TRIM2: variants seen among roughly 807,000 people sequenced by gnomAD.
TRIM2 encodes tripartite motif containing 2.
In TRIM2, 20 loss-of-function variants were observed where a neutral mutation model predicts 75.2. The ratio of observed to expected loss-of-function variants is 0.27; its 90% CI spans 0.19 to 0.39. TRIM2 has a LOEUF of 0.39. TRIM2 is among the 10% of genes least tolerant of loss of function. TRIM2 has a pLI of 1.00. For synonymous variants in TRIM2, 373 were observed against 388.3 expected, an observed-to-expected ratio of 0.96 and a Z score of 0.46; for missense variants, 660 against 990.8, an observed-to-expected ratio of 0.67 and a Z score of 4.48.
intron 1 of TRIM2, among the ~76,000 whole-genome samples, chr4:153,173,498 T>C (rs571936061): frequency 6.6e-6 from 1 of 150,458 alleles, no homozygotes; most frequent in South Asian, 2.1e-4. Flanking sequence ...CCATCTCTAC[T>C]AAAAGTACAA....
chr4:153,308,251 C>G (rs778131717), intron 6 of TRIM2: 20 of 1,553,536 alleles, frequency 1.3e-5, no homozygotes, highest in Non-Finnish European at 1.6e-5. Flanking sequence ...GCCAGGGCAA[C>G]CATCAGCTTG....
At chr4:153,296,304 C>T (rs182106755) in intron 6 of TRIM2, among the ~76,000 whole-genome samples, 1 of 152,326 alleles carries the variant, frequency 6.6e-6, no homozygotes, top group African/African-American at 2.4e-5. Flanking sequence ...GCTGCATATT[C>T]ATTGTAGGAA....
intron 1 of TRIM2, among the ~76,000 whole-genome samples, chr4:153,265,351 A>ATT (rs983647307): frequency 7.1e-6 from 1 of 141,128 alleles, no homozygotes. Context: ...TTTTTTTGTT[A>ATT]TTTTTTTTTT....
intron 1 of TRIM2, among the ~76,000 whole-genome samples, chr4:153,255,200 C>T (rs1238048375): frequency 6.6e-6 from 1 of 152,228 alleles, no homozygotes; most frequent in Non-Finnish European, 1.5e-5. Flanking sequence ...TCTGTATCCT[C>T]ATTGCCTACT....
chr4:153,319,330 T>G lies in TRIM2; in HGVS notation c.1783-3318T>G, dbSNP rs114551983. 3.9e-3 allele frequency among the ~76,000 whole-genome samples: 600 copies of G among 152,322 alleles called. 6 individuals are homozygous for G. Among genetic ancestry groups the G allele is most frequent in the African/African-American group, 0.013 (552 of 41,560 alleles). ...TTCTATCCAAACAAATGGAAACACC[T>G]CTGGCCACCTTACTCTAAAATATCT... On this transcript the variant is annotated intron_variant, in intron 8 of 11. Transcript: ENST00000338700.
At chr4:153,304,959 C>A (rs936632281) in intron 6 of TRIM2, among the ~76,000 whole-genome samples, 1 of 152,116 alleles carries the variant, frequency 6.6e-6, no homozygotes, top group African/African-American at 2.4e-5. Flanking sequence ...CCCAAGGGAG[C>A]AGGGAGATGA....
intron 1 of TRIM2, among the ~76,000 whole-genome samples, chr4:153,244,260 TCC>T (rs1747755807): frequency 0.018 from 78 of 4,410 alleles, 21 homozygotes; most frequent in African/African-American, 0.043. Flanking sequence ...TCTTTCCTCC[TCC>T]TCCTCCTCCT....
intron 1 of TRIM2, among the ~76,000 whole-genome samples, chr4:153,269,053 C>T (rs1755983530): frequency 6.6e-6 from 1 of 152,136 alleles, no homozygotes; most frequent in African/African-American, 2.4e-5. Context: ...ATATTAATAG[C>T]ATGTAGGGGA....
chr4:153,298,422 G>A, intron 6 of TRIM2, among the ~76,000 whole-genome samples: 1 of 152,130 alleles, frequency 6.6e-6, no homozygotes, highest in South Asian at 2.1e-4. Context: ...CCACCTTCTT[G>A]CCTCTTTGTC....
chr4:153,306,330 G>C (rs1764992067), intron 6 of TRIM2, among the ~76,000 whole-genome samples: 1 of 152,126 alleles, frequency 6.6e-6, no homozygotes, highest in Non-Finnish European at 1.5e-5. Context: ...ACATGGTAAG[G>C]ACTCAATAAA....
intron 1 of TRIM2, among the ~76,000 whole-genome samples, chr4:153,232,736 G>A (rs1403699782): frequency 1.3e-5 from 2 of 152,176 alleles, no homozygotes; most frequent in African/African-American, 2.4e-5. Context: ...ATGGTAATGT[G>A]TCGTTAAGTC....
chr4:153,320,491 T>G (rs1768688025), intron 8 of TRIM2, among the ~76,000 whole-genome samples: 1 of 152,022 alleles, frequency 6.6e-6, no homozygotes, highest in African/African-American at 2.4e-5. Context: ...ACTTTTTGGG[T>G]TTTCTAAGAT....
intron 1 of TRIM2, among the ~76,000 whole-genome samples, chr4:153,231,399 A>G (rs558176859): frequency 6.6e-6 from 1 of 152,322 alleles, no homozygotes; most frequent in Admixed American, 6.5e-5. Context: ...AAGAGGGACT[A>G]AAGTTAGAAC....
intron 1 of TRIM2, among the ~76,000 whole-genome samples, chr4:153,178,095 C>T (rs1731658620): frequency 6.6e-6 from 1 of 152,156 alleles, no homozygotes. Context: ...AGCCACCGCA[C>T]CTGGCCATGA....
intron 1 of TRIM2, among the ~76,000 whole-genome samples, chr4:153,256,953 T>C (rs908578490): frequency 6.6e-6 from 1 of 152,040 alleles, no homozygotes; most frequent in African/African-American, 2.4e-5. Context: ...AATTATGATA[T>C]GTGTTTAAAG....
chr4:153,166,126 T>A (rs1730277648), intron 1 of TRIM2, among the ~76,000 whole-genome samples: 1 of 152,080 alleles, frequency 6.6e-6, no homozygotes, highest in South Asian at 2.1e-4. Flanking sequence ...TAAAAAAAAA[T>A]CCTGTTCTTA....
chr4:153,237,477 G>A (rs1191746280), intron 1 of TRIM2, among the ~76,000 whole-genome samples: 1 of 152,118 alleles, frequency 6.6e-6, no homozygotes, highest in Non-Finnish European at 1.5e-5. Context: ...TCAGGAGTTT[G>A]AGACCAGCCT....
chr4:153,263,877 C>G lies in TRIM2; in HGVS notation c.31-6458C>G, dbSNP rs1425733708. ...GCAGTCTCCCTCTTATCTCCTCTTA[C>G]AGGGGCACTAATCCCATCATAAGGG... On this transcript the variant is annotated intron_variant, in intron 1 of 11. Coordinates refer to ENST00000338700, the MANE Select transcript of TRIM2 (RefSeq NM_015271.5). 2.0e-5 allele frequency among the ~76,000 whole-genome samples: 3 copies of G among 152,120 alleles called. No individual in the cohort carries two copies. The East Asian group carries it at 5.8e-4, about 29-fold the overall frequency.
chr4:153,275,840 A>C, intron 2 of TRIM2, 53 bp from the exon 3 acceptor site: 2 of 1,505,598 alleles, frequency 1.3e-6, no homozygotes, highest in Non-Finnish European at 1.8e-6. Flanking sequence ...GGTACCTGTG[A>C]GAAGTGGAGG....
Sources: allele counts gnomAD v4.1 joint callset (sites outside exome capture counted in the v4.1 genomes callset), GRCh38; gene constraint gnomAD v4.1.1; transcripts MANE v1.5; gene names NCBI Gene and HGNC (gene_info 2026-07-23, HGNC 2026-07-21).